The following CDKN2AIPNL variants were observed in gnomAD, a reference collection of about 807,000 sequenced individuals.
The protein encoded by CDKN2AIPNL is XRN2 binding domain containing 1.
A neutral mutation model predicts 12.9 loss-of-function variants in CDKN2AIPNL; 9 were observed. The ratio of observed to expected loss-of-function variants is 0.70; its 90% CI spans 0.42 to 1.22. CDKN2AIPNL has a LOEUF of 1.22. CDKN2AIPNL is among the 50% of genes most tolerant of loss of function. The pLI is 0.00. For missense variants in CDKN2AIPNL, 143 were observed against 153.6 expected, an observed-to-expected ratio of 0.93 and a Z score of 0.37; for synonymous variants, 53 against 61.7, an observed-to-expected ratio of 0.86 and a Z score of 0.66.
rs1368467254 is a variant in CDKN2AIPNL at position 134,411,803 on chromosome 5, G to A, written c.52C>T (p.Arg18Trp). The part of the protein sequence containing the change: ...AAVEELVSGV[R>W]QAADFAEQFR... ...TGCTCCGCGAAGTCGGCCGCCTGCCGCACCCCCGAAACCAGCTCCTCCACT... is the reference window on the plus strand; with the variant it reads ...TGCTCCGCGAAGTCGGCCGCCTGCCACACCCCCGAAACCAGCTCCTCCACT... Residue 18 changes from arginine (R) to tryptophan (W), a missense_variant, in exon 1 of 3, where the codon CGG becomes TGG. By Grantham distance (101) the Arg-to-Trp change is moderately radical (BLOSUM62 -3). This residue lies in a region of CDKN2AIPNL where 30 missense variants were observed against 25.2 expected (regional missense o/e 1.19). Coordinates refer to ENST00000458198, the MANE Select transcript of CDKN2AIPNL (RefSeq NM_080656.3). 1.2e-6 allele frequency: 2 copies of A among 1,600,710 alleles called. No individual in the cohort carries two copies. The highest frequency in any genetic ancestry group is 2.2e-5 in the South Asian group (2 of 89,366).
At chr5:134,405,660 C>T (rs942554119) in intron 2 of CDKN2AIPNL, among the ~76,000 whole-genome samples, 2 of 152,118 alleles carry the variant, frequency 1.3e-5, no homozygotes, top group African/African-American at 4.8e-5. Flanking sequence ...CGTGACCTGC[C>T]TGCCTCGGCC....
At chr5:134,410,979 G>A (rs1759182212) in intron 1 of CDKN2AIPNL, 1 of 700,914 alleles carries the variant, frequency 1.4e-6, no homozygotes, top group Non-Finnish European at 2.6e-6. Flanking sequence ...TGGTGCTGCA[G>A]CCAGGATGAA....
intron 2 of CDKN2AIPNL, among the ~76,000 whole-genome samples, chr5:134,405,697 G>A (rs369483106): frequency 6.6e-6 from 1 of 152,174 alleles, no homozygotes; most frequent in East Asian, 1.9e-4. Flanking sequence ...TTACAGGCAT[G>A]AGCCACCACG....
Position 134,410,032 on chromosome 5 carries a change from C to T in CDKN2AIPNL, c.240-30G>A, listed in dbSNP as rs778723285. 28 of 1,472,620 alleles carry T rather than the reference C, an allele frequency of 1.9e-5. No homozygotes were observed. In the East Asian group the frequency reaches 6.1e-4, roughly 32 times the overall value. 91.2% of individuals were successfully genotyped at this position (1,472,620 alleles called of 1,614,324 possible). A position where few individuals can be genotyped will look rare whatever the true frequency, so the allele number is the denominator to read the frequency against. ...ACAATAAAAAGTAGTAAGGTAAAAA[C>T]CTTGGAACAATTGTCACTGTGGATT... is the stretch of plus-strand genomic sequence containing the variant. On this transcript the variant is annotated intron_variant, in intron 1 of 2. Coordinates refer to ENST00000458198, the MANE Select transcript of CDKN2AIPNL (RefSeq NM_080656.3).
intron 1 of CDKN2AIPNL, chr5:134,410,989 A>G: frequency 1.4e-6 from 1 of 701,378 alleles, no homozygotes; most frequent in Admixed American, 2.0e-5. Flanking sequence ...GCCAGGATGA[A>G]GTGGGCTTTG....
chr5:134,404,247 A>G (rs1218493589), intron 2 of CDKN2AIPNL, among the ~76,000 whole-genome samples: 1 of 152,228 alleles, frequency 6.6e-6, no homozygotes, highest in Non-Finnish European at 1.5e-5. Context: ...GTGGATAAAG[A>G]GTAAAAGACA....
rs1285091375 is a variant in CDKN2AIPNL, at chr5:134,411,877, C to T, written c.-23G>A. 1 of 1,543,650 alleles carries T rather than the reference C, an allele frequency of 6.5e-7. No homozygotes were observed. Among genetic ancestry groups the T allele is most frequent in the Admixed American group, 2.0e-5 (1 of 51,164 alleles). On this transcript the variant is annotated 5_prime_UTR_variant, in exon 1 of 3. Transcript: ENST00000458198. Reference sequence around the variant, plus strand: ...CATGGTGCCCGCCGCAGCCGAGGACCGGATAGCCCGCCGCCTTCCCGACGC... The same window carrying T: ...CATGGTGCCCGCCGCAGCCGAGGACTGGATAGCCCGCCGCCTTCCCGACGC...
intron 2 of CDKN2AIPNL, among the ~76,000 whole-genome samples, chr5:134,409,679 T>A (rs995101067): frequency 3.3e-5 from 5 of 152,204 alleles, no homozygotes; most frequent in African/African-American, 1.2e-4. Context: ...CGGAAGAGGT[T>A]AAGCTTATGT....
rs147838277 is a variant in CDKN2AIPNL at position 134,411,259 on chromosome 5, G to T, written c.239+357C>A. Among the ~76,000 whole-genome samples, 743 of 152,300 alleles carry T rather than the reference G, an allele frequency of 4.9e-3. 10 individuals are homozygous for T. Among genetic ancestry groups the T allele is most frequent in the Non-Finnish European group, 4.6e-3 (315 of 68,030 alleles). On this transcript the variant is annotated intron_variant, in intron 1 of 2. Transcript: ENST00000458198. ...CTCTCTGCACGTTTGCCATGTAGGT[G>T]ACAGGGGCTAACGGACTTCGAATGC...
chr5:134,410,711 T>G (rs1759178676), intron 1 of CDKN2AIPNL: 1 of 279,146 alleles, frequency 3.6e-6, no homozygotes, highest in Non-Finnish European at 6.7e-6. Context: ...CTGGCATTGC[T>G]TCCCTACGTA....
intron 2 of CDKN2AIPNL, among the ~76,000 whole-genome samples, chr5:134,405,245 A>G (rs1042056500): frequency 2.7e-5 from 4 of 150,484 alleles, no homozygotes; most frequent in African/African-American, 9.8e-5. Context: ...AGCTGGGACT[A>G]CAGGCGCCCG....
Position 134,405,108 on chromosome 5 carries a change from CTT to C in CDKN2AIPNL, c.340-2184_340-2183del, listed in dbSNP as rs66512248. ...CCTTTCAAATTTCATCGTCATTTTT[CTT>C]TTTTTTTTTTTTTGAGACGGAGTCC... On this transcript the variant is annotated intron_variant, in intron 2 of 2. Transcript: ENST00000458198. 2.0e-3 allele frequency among the ~76,000 whole-genome samples: 258 copies of C among 131,620 alleles called. 2 individuals carry two copies. Among genetic ancestry groups the C allele is most frequent in the South Asian group, 9.6e-3 (39 of 4,074 alleles). 86.3% of individuals were successfully genotyped at this position (131,620 alleles called of 152,430 possible). A position where few individuals can be genotyped will look rare whatever the true frequency, so the allele number is the denominator to read the frequency against.
intron 2 of CDKN2AIPNL, among the ~76,000 whole-genome samples, chr5:134,405,387 G>T (rs1315186413): frequency 6.6e-6 from 1 of 150,938 alleles, no homozygotes; most frequent in Non-Finnish European, 1.5e-5. Context: ...TTACAGGCGT[G>T]AGCCACCGCG....
chr5:134,406,111 G>C (rs1002631340), intron 2 of CDKN2AIPNL, among the ~76,000 whole-genome samples: 3 of 152,112 alleles, frequency 2.0e-5, no homozygotes, highest in Admixed American at 2.0e-4. Context: ...AGAAACCAAT[G>C]CTCATTTCTT....
chr5:134,411,372 C>T (rs1336405412), intron 1 of CDKN2AIPNL, among the ~76,000 whole-genome samples: 1 of 152,184 alleles, frequency 6.6e-6, no homozygotes, highest in Non-Finnish European at 1.5e-5. Flanking sequence ...TTTAGCTCTT[C>T]ACCCTTTAAT....
chr5:134,404,607 C>A (rs1054528213), intron 2 of CDKN2AIPNL, among the ~76,000 whole-genome samples: 1 of 151,640 alleles, frequency 6.6e-6, no homozygotes, highest in Non-Finnish European at 1.5e-5. Flanking sequence ...GGATTACAGG[C>A]AGAGCCACTG....
chr5:134,407,715 A>C (rs1463920259), intron 2 of CDKN2AIPNL, among the ~76,000 whole-genome samples: 1 of 151,626 alleles, frequency 6.6e-6, no homozygotes, highest in African/African-American at 2.4e-5. Flanking sequence ...CAGAGGTTGC[A>C]GTGAGCTGAA....
chr5:134,403,012 T>C, intron 2 of CDKN2AIPNL, 86 bp from the exon 3 acceptor site: 1 of 1,165,608 alleles, frequency 8.6e-7, no homozygotes, highest in Non-Finnish European at 1.2e-6. Flanking sequence ...ATAGCAGTGA[T>C]GTAATATTTA....
At chr5:134,407,311 TATAG>T (rs1759120716) in intron 2 of CDKN2AIPNL, among the ~76,000 whole-genome samples, 1 of 148,586 alleles carries the variant, frequency 6.7e-6, no homozygotes, top group Non-Finnish European at 1.5e-5. Flanking sequence ...CACACTGGTC[TATAG>T]ATAATGTTTG....
Sources: gnomAD v4.1 joint callset for allele counts (sites outside exome capture counted in the v4.1 genomes callset) on GRCh38, gnomAD v4.1.1 for gene constraint, gnomAD v4.1.1 regional missense constraint, MANE v1.5 for transcripts, NCBI Gene and HGNC (gene_info 2026-07-23, HGNC 2026-07-21) for gene names.